The following RINL variants were observed in gnomAD, a reference collection of about 807,000 sequenced individuals.
The protein encoded by RINL is Ras and Rab interactor like, also known as ras and Rab interactor-like protein.
RINL carries 39 observed loss-of-function variants against 58.1 expected under a neutral mutation model. The ratio of observed to expected loss-of-function variants is 0.67; its 90% CI spans 0.52 to 0.88. RINL has a LOEUF of 0.88. Among genes scored for constraint, RINL ranks in the 40% least tolerant of loss-of-function variants. The pLI, the probability that RINL is intolerant of heterozygous loss-of-function variation, is 0.00. For missense variants in RINL, 711 were observed against 749.2 expected, an observed-to-expected ratio of 0.95 and a Z score of 0.60; for synonymous variants, 286 against 323.1, an observed-to-expected ratio of 0.89 and a Z score of 1.23.
Position 38,870,933 on chromosome 19 carries a change from C to A in RINL, c.661G>T (p.Val221Leu). 6.2e-7 allele frequency: 1 copy of A among 1,605,528 alleles called. No individual in the cohort carries two copies. Among genetic ancestry groups the A allele is most frequent in the Non-Finnish European group, 8.5e-7 (1 of 1,179,816 alleles). Reference sequence around the variant, plus strand: ...GCGAGAGCCGGCCCAGGATGGTCCACTTCCGGGCTGAGCGGGCCTTTCACC... The same window carrying A: ...GCGAGAGCCGGCCCAGGATGGTCCAATTCCGGGCTGAGCGGGCCTTTCACC... ...SWVKGPLSPEVDHPGPALASL... is the reference protein window; with the variant it reads ...SWVKGPLSPELDHPGPALASL... Residue 221 changes from valine (V) to leucine (L), a missense_variant, in exon 8 of 12, where the codon GTG (valine) becomes TTG (leucine). Transcript: ENST00000591812. The surrounding 1 kb of genome is among the most constrained non-coding windows in gnomAD (Gnocchi z 5.8).
Position 38,869,899 on chromosome 19 carries a change from C to G in RINL, c.1342+44G>C. On this transcript the variant is annotated intron_variant, in intron 9 of 11. Transcript: ENST00000591812. The surrounding 1 kb of genome is among the most constrained non-coding windows in gnomAD (Gnocchi z 5.7). ...TACCCTCTCCCGCCTGGCTCCAACT[C>G]TCAAGGCTCTCCCCACCACGCTAGA... 1.3e-6 allele frequency: 2 copies of G among 1,556,274 alleles called. No individual in the cohort carries two copies. The highest frequency in any genetic ancestry group is 1.7e-6 in the Non-Finnish European group (2 of 1,153,570).
At chr19:38,871,535 A>G in intron 6 of RINL, 112 bp downstream of exon 6, 1 of 995,248 alleles carries the variant, frequency 1.0e-6, no homozygotes, top group Non-Finnish European at 1.5e-6. Flanking sequence ...TCTAGTCTCC[A>G]GTTCTATATT....
rs749463854 is a variant in RINL, at chr19:38,869,582, G to C, written c.1465C>G (p.Arg489Gly). The change falls in exon 10 of 12, where the codon CGG (arginine) becomes GGG (glycine). Residue 489 changes from arginine (R) to glycine (G), a missense_variant. Arg to Gly is a moderately radical substitution (Grantham distance 125). Transcript: ENST00000591812. The surrounding 1 kb of genome is among the most constrained non-coding windows in gnomAD (Gnocchi z 5.7). ...GGAGTTGGGGGCTCACCCTCTCCCC[G>C]CAGCTCATCTGGATCTAAGAGCTCC... is the stretch of plus-strand genomic sequence containing the variant. ...LMELLDPDEL[R>G]GEAGYYLTTW... 1 of 1,613,668 alleles carries C rather than the reference G, an allele frequency of 6.2e-7. No individual in the cohort carries two copies. Among genetic ancestry groups the C allele is most frequent in the Non-Finnish European group, 8.5e-7 (1 of 1,179,958 alleles).
intron 1 of RINL, 28 bp from the exon 2 acceptor site, chr19:38,876,809 G>T: frequency 1.6e-6 from 2 of 1,268,720 alleles, no homozygotes; most frequent in Non-Finnish European, 2.2e-6. Context: ...AAGACTCAAA[G>T]CTGCTCTAGC....
In RINL at chr19:38,876,514, G is replaced by A. The variant is rs568063445; in HGVS notation, c.51-24C>T. 301 of 1,535,106 alleles carry A rather than the reference G, an allele frequency of 2.0e-4. 5 individuals are homozygous for A. The South Asian group carries it at 3.5e-3, about 18-fold the overall frequency. On this transcript the variant is annotated intron_variant, in intron 2 of 11. Coordinates refer to ENST00000591812, the MANE Select transcript of RINL (RefSeq NM_001195833.2). Reference sequence around the variant, plus strand: ...GCCTGGGATGGACAGTGTCCAGGGAGTCAGGGGTCAGAGGTGGGCAGTGGG... The same window carrying A: ...GCCTGGGATGGACAGTGTCCAGGGAATCAGGGGTCAGAGGTGGGCAGTGGG...
chr19:38,870,971 T>TGAGGC lies in RINL; in HGVS notation c.618_622dup (p.His208ArgfsTer8). 6.2e-7 allele frequency: 1 copy of TGAGGC among 1,603,580 alleles called. No homozygotes were observed. The highest frequency in any genetic ancestry group is 8.5e-7 in the Non-Finnish European group (1 of 1,177,562). ...CGGGCCTTTCACCCAGGAGACCCCG[T>TGAGGC]GAGGCGCAGGGTTCCTGGGGGCTGG... On this transcript the variant is annotated frameshift_variant, in exon 8 of 12. Coordinates refer to ENST00000591812, the MANE Select transcript of RINL (RefSeq NM_001195833.2). LOFTEE classifies it high-confidence loss of function. The surrounding 1 kb of genome is among the most constrained non-coding windows in gnomAD (Gnocchi z 5.8).
At position 38,869,593 on chromosome 19, in the gene RINL, G is replaced by C. The variant is rs1427149776; in HGVS notation, c.1454C>G (p.Pro485Arg). The change falls in exon 10 of 12, where the codon CCA (proline) becomes CGA (arginine). Residue 485 changes from proline to arginine, a missense_variant. Physicochemically the swap from Pro to Arg is moderately radical, Grantham distance 103. Transcript: ENST00000591812. The surrounding 1 kb of genome is among the most constrained non-coding windows in gnomAD (Gnocchi z 5.7). ...DVEFLMELLD[P>R]DELRGEAGYY... ...CTCACCCTCTCCCCGCAGCTCATCT[G>C]GATCTAAGAGCTCCATAAGAAACTC... 8 of 1,613,806 alleles carry C rather than the reference G, an allele frequency of 5.0e-6. 1 individual carries two copies. In the East Asian group the frequency reaches 1.8e-4, roughly 36 times the overall value.
Position 38,870,079 on chromosome 19 carries a change from G to A in RINL, c.1206C>T (p.Pro402=). The part of the protein sequence containing the change: ...AQGPGPEGQS[P]APALRSRIHE... ...GGATGCGGCTCCGCAAGGCGGGGGC[G>A]GGGCTCTGCCCTTCCGGTCCCGGCC... The change falls in exon 9 of 12, where the codon CCC becomes CCT. Residue 402 remains proline, a synonymous_variant. Transcript: ENST00000591812. This position sits in a 1 kb window ranked among gnomAD's most constrained non-coding sequence, Gnocchi z 5.8. The A allele has an allele frequency of 6.6e-7, 1 of 1,516,520 alleles. No homozygotes were observed. The highest frequency in any genetic ancestry group is 8.8e-7 in the Non-Finnish European group (1 of 1,137,582). The allele number at this position is 1,516,520 out of a possible 1,614,324, so 93.9% of individuals were successfully genotyped here. A position where few individuals can be genotyped will look rare whatever the true frequency, so the allele number is the denominator to read the frequency against.
At position 38,870,358 on chromosome 19, in the gene RINL, C is replaced by T; in HGVS notation, c.1025-98G>A. On this transcript the variant is annotated intron_variant, in intron 8 of 11. Transcript: ENST00000591812. This position sits in a 1 kb window ranked among gnomAD's most constrained non-coding sequence, Gnocchi z 5.8. ...CCACCCTGGCCCACAGCCACCCCTG[C>T]CTAGCTCTGGTCCCCCGTGAGTGTA... 9.2e-7 allele frequency: 1 copy of T among 1,089,042 alleles called. No individual in the cohort carries two copies. The highest frequency in any genetic ancestry group is 1.3e-6 in the Non-Finnish European group (1 of 799,682). 67.5% of individuals were successfully genotyped at this position (1,089,042 alleles called of 1,614,324 possible).
At position 38,869,798 on chromosome 19, in the gene RINL, G is replaced by C. The variant is rs879111298; in HGVS notation, c.1343-94C>G. On this transcript the variant is annotated intron_variant, in intron 9 of 11. Transcript: ENST00000591812. This position sits in a 1 kb window ranked among gnomAD's most constrained non-coding sequence, Gnocchi z 5.7. ...ATCCCCAGGACCACGAGGGCTGGCT[G>C]CCCCTCCACCTTGTCGGGCATGACA... 3.8e-6 allele frequency: 6 copies of C among 1,569,232 alleles called. No individual in the cohort carries two copies. In the South Asian group the frequency reaches 5.7e-5, roughly 15 times the overall value.
In RINL at chr19:38,871,163, C is replaced by CTGGTTCACAA. The variant is rs1469025187; in HGVS notation, c.506_515dup (p.Gln172HisfsTer31). On this transcript the variant is annotated frameshift_variant, in exon 7 of 12. Coordinates refer to ENST00000591812, the MANE Select transcript of RINL (RefSeq NM_001195833.2). LOFTEE classifies it high-confidence loss of function. ...AGCCTCTGTGGGTCTCCAGGTAGAGCTGGTTCACAATGGAAAGCACCTTCC... is the reference window on the plus strand; with the variant it reads ...AGCCTCTGTGGGTCTCCAGGTAGAGCTGGTTCACAATGGTTCACAATGGAAAGCACCTTCC... 1 of 1,613,926 alleles carries CTGGTTCACAA rather than the reference C, an allele frequency of 6.2e-7. No individual in the cohort carries two copies. The highest frequency in any genetic ancestry group is 1.3e-5 in the African/African-American group (1 of 74,914).
At position 38,869,780 on chromosome 19, in the gene RINL, G is replaced by A; in HGVS notation, c.1343-76C>T. The A allele has an allele frequency of 6.3e-7, 1 of 1,590,286 alleles. No homozygotes were observed. Among genetic ancestry groups the A allele is most frequent in the Non-Finnish European group, 8.6e-7 (1 of 1,165,902 alleles). On this transcript the variant is annotated intron_variant, in intron 9 of 11. Transcript: ENST00000591812. The surrounding 1 kb of genome is among the most constrained non-coding windows in gnomAD (Gnocchi z 5.7). ...GTAGACACCTTCCATCCGATCCCCAGGACCACGAGGGCTGGCTGCCCCTCC... is the reference window on the plus strand; with the variant it reads ...GTAGACACCTTCCATCCGATCCCCAAGACCACGAGGGCTGGCTGCCCCTCC...
chr19:38,876,058 CA>C (rs1334706020), intron 3 of RINL, among the ~76,000 whole-genome samples: 1 of 124,564 alleles, frequency 8.0e-6, no homozygotes, highest in African/African-American at 3.4e-5. Context: ...CTTGAAATTA[CA>C]TTTTTTTTTT....
At position 38,871,637 on chromosome 19, in the gene RINL, C is replaced by T. The variant is rs73930219; in HGVS notation, c.451+10G>A. The T allele has an allele frequency of 2.4e-3, 3,927 of 1,612,468 alleles. 77 individuals carry two copies. The African/African-American group carries it at 0.045, about 18-fold the overall frequency. ...GTTGGCTGTGCCCTCTTTAGAGAACCGTGCCTCACCTGTGTGTTCATCTCT... is the reference window on the plus strand; with the variant it reads ...GTTGGCTGTGCCCTCTTTAGAGAACTGTGCCTCACCTGTGTGTTCATCTCT... On this transcript the variant is annotated intron_variant, in intron 6 of 11. Coordinates refer to ENST00000591812, the MANE Select transcript of RINL (RefSeq NM_001195833.2).
Position 38,871,825 on chromosome 19 carries a change from T to C in RINL, c.359A>G (p.His120Arg), listed in dbSNP as rs765585924. 6.2e-7 allele frequency: 1 copy of C among 1,614,010 alleles called. No individual in the cohort carries two copies. The highest frequency in any genetic ancestry group is 1.1e-5 in the South Asian group (1 of 91,076). ...SSNLCMPDLP[H>R]LLAFLSASRD... ...GCTGGCTGATAGAAAGGCCAGGAGA[T>C]GGGGCAGGTCTGGCATGCAGAGGTT... The change falls in exon 5 of 12, where the codon CAT becomes CGT. Residue 120 changes from histidine (H) to arginine (R), a missense_variant. Transcript: ENST00000591812.
Position 38,870,680 on chromosome 19 carries a change from T to A in RINL, c.914A>T (p.Asp305Val). The A allele has an allele frequency of 6.2e-7, 1 of 1,613,620 alleles. No individual in the cohort carries two copies. The highest frequency in any genetic ancestry group is 1.3e-5 in the African/African-American group (1 of 74,990). The stretch of plus-strand genomic sequence containing the variant: ...GAGGTCAGTAAGGAGGTGCCGCACA[T>A]CCTGAAGCAGCTCCGTGGCCGGGTC... Reference protein sequence around the residue: ...SGDPATELLQDVRHLLTDLQD... With the variant: ...SGDPATELLQVVRHLLTDLQD... Residue 305 changes from aspartate to valine, a missense_variant, in exon 8 of 12, where the codon GAT (aspartate) becomes GTT (valine). Asp to Val is a radical substitution (Grantham distance 152). Coordinates refer to ENST00000591812, the MANE Select transcript of RINL (RefSeq NM_001195833.2). This position sits in a 1 kb window ranked among gnomAD's most constrained non-coding sequence, Gnocchi z 5.8.
At chr19:38,874,992 G>A (rs1169817068) in intron 3 of RINL, among the ~76,000 whole-genome samples, 3 of 151,848 alleles carry the variant, frequency 2.0e-5, no homozygotes, top group African/African-American at 4.8e-5. Context: ...AAAATTAGCC[G>A]GGTGTAATGG....
chr19:38,873,645 C>A, intron 4 of RINL: 1 of 366,386 alleles, frequency 2.7e-6, no homozygotes, highest in Non-Finnish European at 5.2e-6. Context: ...CGTGCCTCGG[C>A]CTGCCAAGTA....
chr19:38,870,529 C>A lies in RINL; in HGVS notation c.1024+41G>T, dbSNP rs1972782355. 2.0e-6 allele frequency: 3 copies of A among 1,514,888 alleles called. No individual in the cohort carries two copies. The highest frequency in any genetic ancestry group is 1.8e-6 in the Non-Finnish European group (2 of 1,132,808). The allele number at this position is 1,514,888 out of a possible 1,614,324, so 93.8% of individuals were successfully genotyped here. ...CACCGATGGAGAGGACGAAGTTGCA[C>A]ACTTGAACCCGTGGGGGCTCCCTTC... is the stretch of plus-strand genomic sequence containing the variant. On this transcript the variant is annotated intron_variant, in intron 8 of 11. Coordinates refer to ENST00000591812, the MANE Select transcript of RINL (RefSeq NM_001195833.2). The surrounding 1 kb of genome is among the most constrained non-coding windows in gnomAD (Gnocchi z 5.8).
Sources: allele counts gnomAD v4.1 joint callset (sites outside exome capture counted in the v4.1 genomes callset), GRCh38; gene constraint gnomAD v4.1.1; non-coding constraint Gnocchi (gnomAD v3.1); transcripts MANE v1.5; gene names NCBI Gene and HGNC (gene_info 2026-07-23, HGNC 2026-07-21).